The following CALD1 variants were observed in gnomAD, a reference collection of about 807,000 sequenced individuals.
CALD1 encodes caldesmon 1, also known as caldesmon.
A neutral mutation model predicts 99.9 loss-of-function variants in CALD1; 33 were observed. The observed-to-expected ratio is 0.33, with a 90% CI of 0.25 to 0.44. CALD1 has a LOEUF of 0.44. Ranked by LOEUF, CALD1 falls within the 20% of genes least tolerant of loss-of-function variation. The probability of loss-of-function intolerance (pLI) is 1.00; values close to 1 mark genes in which losing one functional copy is unlikely to be tolerated. For synonymous variants in CALD1, 310 were observed against 325.0 expected, an observed-to-expected ratio of 0.95 and a Z score of 0.50; for missense variants, 861 against 962.1, an observed-to-expected ratio of 0.89 and a Z score of 1.39.
At chr7:134,800,836 G>A (rs1055611169) in intron 1 of CALD1, among the ~76,000 whole-genome samples, 1 of 151,954 alleles carries the variant, frequency 6.6e-6, no homozygotes, top group East Asian at 1.9e-4. Context: ...AACATTTCAA[G>A]TAAAGTATCT....
intron 1 of CALD1, among the ~76,000 whole-genome samples, chr7:134,840,193 C>G (rs1262696370): frequency 6.6e-6 from 1 of 152,146 alleles, no homozygotes; most frequent in Non-Finnish European, 1.5e-5. Context: ...GATCCACAAT[C>G]AATCTGAAAG....
intron 2 of CALD1, among the ~76,000 whole-genome samples, chr7:134,856,836 G>A (rs1337168368): frequency 2.6e-5 from 4 of 152,184 alleles, no homozygotes; most frequent in Admixed American, 2.6e-4. Context: ...CAGAGAAACA[G>A]CCTTTTGATA....
chr7:134,720,531 A>G, the CALD1 span, among the ~76,000 whole-genome samples: 1 of 152,206 alleles, frequency 6.6e-6, no homozygotes, highest in Admixed American at 6.5e-5. Context: ...TACAATGATA[A>G]ATGTCTCCTG....
intron 1 of CALD1, among the ~76,000 whole-genome samples, chr7:134,798,873 A>G (rs1462751935): frequency 1.3e-5 from 2 of 152,204 alleles, no homozygotes; most frequent in Non-Finnish European, 2.9e-5. Context: ...CTTATGGTGG[A>G]AAGGCTGGAC....
At chr7:134,842,023 T>C (rs181145218) in intron 1 of CALD1, among the ~76,000 whole-genome samples, 1 of 152,214 alleles carries the variant, frequency 6.6e-6, no homozygotes, top group Non-Finnish European at 1.5e-5. Flanking sequence ...GGACCCTCAG[T>C]GGACCTCTTT....
At position 134,867,778 on chromosome 7, in the gene CALD1, G is replaced by A. The variant is rs774372504; in HGVS notation, c.45G>A (p.Arg15=). 4 of 1,609,052 alleles carry A rather than the reference G, an allele frequency of 2.5e-6. No individual in the cohort carries two copies. Among genetic ancestry groups the A allele is most frequent in the South Asian group, 1.1e-5 (1 of 90,488 alleles). ...ERRRELRRQK[R]EEMRLEAERI... ...GCAGAGAACTTAGAAGGCAAAAGAGGGAGGAGATGCGACTCGAAGCAGAAA... is the reference window on the plus strand; with the variant it reads ...GCAGAGAACTTAGAAGGCAAAAGAGAGAGGAGATGCGACTCGAAGCAGAAA... Residue 15 remains arginine, a synonymous_variant, in exon 3 of 15, where the codon AGG becomes AGA. Transcript: ENST00000361675.
At chr7:134,762,135 T>G (rs1375122863) in intron 1 of CALD1, among the ~76,000 whole-genome samples, 1 of 152,216 alleles carries the variant, frequency 6.6e-6, no homozygotes, top group Non-Finnish European at 1.5e-5. Context: ...CGGTTGAATC[T>G]TGGACCTTAT....
chr7:134,908,428 C>CT (rs1803560979), intron 3 of CALD1, among the ~76,000 whole-genome samples: 1 of 152,152 alleles, frequency 6.6e-6, no homozygotes. Flanking sequence ...CACTAAATAC[C>CT]TGCCAGTGAC....
chr7:134,914,601 T>C (rs139271079), intron 3 of CALD1, among the ~76,000 whole-genome samples: 18 of 152,326 alleles, frequency 1.2e-4, no homozygotes, highest in South Asian at 4.1e-4. Context: ...CCAAGCACGA[T>C]TGGCGCCTCA....
intron 3 of CALD1, among the ~76,000 whole-genome samples, chr7:134,910,593 G>A (rs553770749): frequency 1.3e-5 from 2 of 152,148 alleles, no homozygotes; most frequent in African/African-American, 4.8e-5. Context: ...CTCTATTCAT[G>A]AGCCAAGCCA....
At chr7:134,757,521 T>C (rs1217787105) in intron 1 of CALD1, among the ~76,000 whole-genome samples, 1 of 152,150 alleles carries the variant, frequency 6.6e-6, no homozygotes, top group Non-Finnish European at 1.5e-5. Flanking sequence ...TCTAGCAGTT[T>C]CCAGGCCTGA....
chr7:134,786,856 A>G (rs1797326121), intron 1 of CALD1, among the ~76,000 whole-genome samples: 1 of 152,170 alleles, frequency 6.6e-6, no homozygotes, highest in Admixed American at 6.5e-5. Context: ...CTGCCTATAT[A>G]CCCATGCATC....
At chr7:134,824,472 CCTT>C (rs564980525) in intron 1 of CALD1, among the ~76,000 whole-genome samples, 15 of 151,542 alleles carry the variant, frequency 9.9e-5, no homozygotes, top group Middle Eastern at 3.2e-3. Context: ...TTCTCCTTCT[CCTT>C]CTTCTTCTTC....
chr7:134,901,083 T>G (rs1191523539), intron 3 of CALD1, among the ~76,000 whole-genome samples: 3 of 152,124 alleles, frequency 2.0e-5, no homozygotes, highest in Admixed American at 2.0e-4. Context: ...AACTGATTTT[T>G]GTTTTGGCAA....
chr7:134,837,411 C>T (rs966062901), intron 1 of CALD1, among the ~76,000 whole-genome samples: 6 of 151,840 alleles, frequency 4.0e-5, no homozygotes, highest in East Asian at 1.9e-4. Flanking sequence ...GGCATGATCT[C>T]GGCTCACTGC....
chr7:134,736,955 T>C, the CALD1 span, among the ~76,000 whole-genome samples: 4 of 152,230 alleles, frequency 2.6e-5, no homozygotes, highest in Admixed American at 2.6e-4. Flanking sequence ...TGTGTTGCTT[T>C]AGCTTGGTCT....
intron 1 of CALD1, among the ~76,000 whole-genome samples, chr7:134,771,272 T>A (rs1453698792): frequency 6.6e-6 from 1 of 152,218 alleles, no homozygotes; most frequent in Non-Finnish European, 1.5e-5. Context: ...GATTTGCATA[T>A]GACACTCCCT....
chr7:134,725,876 A>G, the CALD1 span, among the ~76,000 whole-genome samples: 4 of 152,210 alleles, frequency 2.6e-5, no homozygotes, highest in African/African-American at 9.7e-5. Context: ...CATTGGAGTG[A>G]CGTGGCCAAG....
the CALD1 span, among the ~76,000 whole-genome samples, chr7:134,735,933 A>G: frequency 6.6e-6 from 1 of 152,154 alleles, no homozygotes; most frequent in Non-Finnish European, 1.5e-5. Context: ...TAACGACAAT[A>G]TTACTACTAA....
Sources: gnomAD v4.1 joint callset for allele counts (sites outside exome capture counted in the v4.1 genomes callset) on GRCh38, gnomAD v4.1.1 for gene constraint, MANE v1.5 for transcripts, NCBI Gene and HGNC (gene_info 2026-07-23, HGNC 2026-07-21) for gene names.